The following SATL1 variants were observed in gnomAD, a reference collection of about 807,000 sequenced individuals.
SATL1 encodes the protein spermidine/spermine N1-acetyl transferase like 1, also known as spermidine/spermine N(1)-acetyltransferase-like protein 1.
Under a neutral mutation model 51.8 loss-of-function variants are expected in SATL1, and 47 were observed. The ratio of observed to expected loss-of-function variants is 0.91; its 90% CI spans 0.72 to 1.16. The LOEUF (loss-of-function observed/expected upper bound fraction) is 1.16, where lower values mean the gene tolerates loss of function less well. Ranked by LOEUF, SATL1 falls within the 50% of genes most tolerant of loss-of-function variation. The probability of loss-of-function intolerance (pLI) is 0.00; values close to 1 mark genes in which losing one functional copy is unlikely to be tolerated. For synonymous variants in SATL1, 176 were observed against 182.4 expected (o/e 0.97, Z 0.28); for missense variants, 520 against 526.4 (o/e 0.99, Z 0.12).
intron 2 of SATL1, among the ~76,000 whole-genome samples, chrX:85,196,411 T>C (rs1022205876): frequency 3.6e-5 from 4 of 111,828 alleles, no homozygotes; most frequent in African/African-American, 1.3e-4. Flanking sequence ...ACAGATACAA[T>C]ATGCAAGCCC....
At chrX:85,238,407 C>T (rs780696091) in intron 1 of SATL1, among the ~76,000 whole-genome samples, 2 of 111,574 alleles carry the variant, frequency 1.8e-5, no homozygotes, top group South Asian at 7.5e-4. Flanking sequence ...CTGTCATTTG[C>T]AACAACATGG....
intron 2 of SATL1, among the ~76,000 whole-genome samples, chrX:85,122,497 T>G (rs1035883858): frequency 9.0e-6 from 1 of 111,369 alleles, no homozygotes; most frequent in African/African-American, 3.3e-5. Context: ...TGTATACTTC[T>G]GTCTTCCCTC....
intron 2 of SATL1, among the ~76,000 whole-genome samples, chrX:85,192,982 C>T (rs1015058304): frequency 8.9e-6 from 1 of 111,857 alleles, no homozygotes; most frequent in East Asian, 2.8e-4. Context: ...TTGATTCTTG[C>T]ACTCTAAAAG....
At chrX:85,151,794 T>C (rs1040982328) in intron 2 of SATL1, among the ~76,000 whole-genome samples, 5 of 111,754 alleles carry the variant, frequency 4.5e-5, no homozygotes, top group African/African-American at 9.8e-5. Flanking sequence ...ATCCCTTCCT[T>C]ACACCTTATA....
intron 2 of SATL1, among the ~76,000 whole-genome samples, chrX:85,138,667 G>A (rs1445580982): frequency 8.9e-6 from 1 of 111,774 alleles, no homozygotes; most frequent in Non-Finnish European, 1.9e-5. Flanking sequence ...GATTGGTAAC[G>A]AAAAAGTTTG....
At chrX:85,156,306 T>C (rs778151775) in intron 2 of SATL1, 3 of 111,578 alleles carry the variant, frequency 2.7e-5, no homozygotes, top group African/African-American at 9.8e-5. Flanking sequence ...CGTTGTTGTT[T>C]TTCAAATGTG....
At chrX:85,104,702 T>C (rs1924991664) in intron 3 of SATL1, among the ~76,000 whole-genome samples, 2 of 111,249 alleles carry the variant, frequency 1.8e-5, no homozygotes, top group Non-Finnish European at 3.8e-5. Context: ...AAGCCCCTTA[T>C]ATAGCAGAGT....
At chrX:85,111,488 A>G (rs987869640) in intron 2 of SATL1, among the ~76,000 whole-genome samples, 23 of 112,357 alleles carry the variant, frequency 2.0e-4, no homozygotes, top group African/African-American at 7.4e-4. Flanking sequence ...ATCAGGGAAA[A>G]CATAGTTTTT....
At chrX:85,222,065 C>T (rs1422467028) in intron 2 of SATL1, among the ~76,000 whole-genome samples, 2 of 111,559 alleles carry the variant, frequency 1.8e-5, no homozygotes, top group Non-Finnish European at 3.8e-5. Context: ...TAGGAGAAGA[C>T]CAAGGATGGT....
In SATL1 at chrX:85,147,656, G is replaced by A. The variant is rs182356489; in HGVS notation, c.-312-38376C>T. 8.8e-3 allele frequency among the ~76,000 whole-genome samples: 982 copies of A among 111,507 alleles called. 13 individuals are homozygous for A. Among genetic ancestry groups the A allele is most frequent in the African/African-American group, 0.031 (942 of 30,625 alleles). Reference sequence around the variant, plus strand: ...GAGGAACGATCAGACAGGAGCATTCGCGATTCACGAAAATCTGCTGTTCTG... The same window carrying A: ...GAGGAACGATCAGACAGGAGCATTCACGATTCACGAAAATCTGCTGTTCTG... On this transcript the variant is annotated intron_variant, in intron 2 of 7. Coordinates refer to ENST00000644105, the MANE Select transcript of SATL1 (RefSeq NM_001367857.2).
chrX:85,113,954 G>A (rs1403196607), intron 2 of SATL1, among the ~76,000 whole-genome samples: 1 of 111,663 alleles, frequency 9.0e-6, no homozygotes, highest in Non-Finnish European at 1.9e-5. Flanking sequence ...ACCATGTACA[G>A]GGACTGTGTA....
chrX:85,173,933 C>T (rs1419694034), intron 2 of SATL1, among the ~76,000 whole-genome samples: 4 of 93,247 alleles, frequency 4.3e-5, no homozygotes, highest in African/African-American at 1.6e-4. Context: ...TCCCCCATCC[C>T]CACGACAGGC....
chrX:85,094,221 T>A lies in SATL1; in HGVS notation c.1783A>T (p.Thr595Ser). ...AAGTAGTACATGGCAAATCCAACAG[T>A]CAGTTTGCCTAGGAAGGGAGAAGAA... ...NDQQKPSGKLTVGFAMYYFTY... is the reference protein window; with the variant it reads ...NDQQKPSGKLSVGFAMYYFTY... Residue 595 changes from threonine to serine, a missense_variant, in exon 6 of 8, where the codon ACT becomes TCT. This residue lies in a region of SATL1 where 488 missense variants were observed against 474.3 expected (regional missense o/e 1.03). Transcript: ENST00000644105. The A allele has an allele frequency of 8.7e-7, 1 of 1,145,942 alleles. No individual in the cohort carries two copies. The highest frequency in any genetic ancestry group is 1.2e-6 in the Non-Finnish European group (1 of 837,938). The allele number at this position is 1,145,942 out of a possible 1,213,427, so 94.4% of individuals were successfully genotyped here.
intron 2 of SATL1, among the ~76,000 whole-genome samples, chrX:85,174,720 G>A (rs1927051134): frequency 9.0e-6 from 1 of 111,277 alleles, no homozygotes; most frequent in Non-Finnish European, 1.9e-5. Context: ...ATCAAATAGT[G>A]TAAATTTTCT....
intron 2 of SATL1, among the ~76,000 whole-genome samples, chrX:85,111,844 C>T (rs980762517): frequency 9.0e-6 from 1 of 111,440 alleles, no homozygotes; most frequent in African/African-American, 3.3e-5. Flanking sequence ...ACATACAATC[C>T]CCTTTTTCTG....
chrX:85,161,940 G>T (rs757379768), intron 2 of SATL1, among the ~76,000 whole-genome samples: 2 of 111,565 alleles, frequency 1.8e-5, no homozygotes, highest in South Asian at 7.5e-4. Flanking sequence ...AAATGTAAAA[G>T]AACTGATATC....
intron 2 of SATL1, among the ~76,000 whole-genome samples, chrX:85,173,716 A>G (rs1337095505): frequency 9.0e-6 from 1 of 110,593 alleles, no homozygotes; most frequent in Non-Finnish European, 1.9e-5. Flanking sequence ...GTAAACATGC[A>G]TTTGATCTAT....
At chrX:85,190,522 G>T (rs1222023903) in intron 2 of SATL1, among the ~76,000 whole-genome samples, 1 of 110,812 alleles carries the variant, frequency 9.0e-6, no homozygotes, top group African/African-American at 3.3e-5. Context: ...AACATCGAAG[G>T]CAGAATATCT....
At chrX:85,093,086 A>C (rs1470486855) in intron 7 of SATL1, 99 bp downstream of exon 7, 4 of 824,511 alleles carry the variant, frequency 4.9e-6, no homozygotes, top group Non-Finnish European at 6.9e-6. Flanking sequence ...TGTTGGGGTT[A>C]TGTTCAAATG....
Sources: gnomAD v4.1 joint callset for allele counts (sites outside exome capture counted in the v4.1 genomes callset) on GRCh38, gnomAD v4.1.1 for gene constraint, gnomAD v4.1.1 regional missense constraint, MANE v1.5 for transcripts, NCBI Gene and HGNC (gene_info 2026-07-23, HGNC 2026-07-21) for gene names.